Variants in NKAIN2 observed in about 807,000 individuals in gnomAD.
The protein encoded by NKAIN2 is sodium/potassium-transporting ATPase subunit beta-1-interacting protein 2.
Under a neutral mutation model 32.6 loss-of-function variants are expected in NKAIN2, and 14 were observed. The ratio of observed to expected loss-of-function variants is 0.43; its 90% CI spans 0.28 to 0.67. The LOEUF (loss-of-function observed/expected upper bound fraction) is 0.67, where lower values mean the gene tolerates loss of function less well. NKAIN2 is among the 30% of genes least tolerant of loss of function. The pLI, the probability that NKAIN2 is intolerant of heterozygous loss-of-function variation, is 0.17. For synonymous variants in NKAIN2, 80 were observed against 87.2 expected (o/e 0.92, Z 0.46); for missense variants, 198 against 258.3 (o/e 0.77, Z 1.60).
intron 1 of NKAIN2, among the ~76,000 whole-genome samples, chr6:123,808,783 C>T (rs1314216102): frequency 6.6e-6 from 1 of 152,194 alleles, no homozygotes; most frequent in Non-Finnish European, 1.5e-5. Flanking sequence ...ACCTCCTTTC[C>T]CTCTGATGCT....
intron 3 of NKAIN2, among the ~76,000 whole-genome samples, chr6:124,467,875 A>G (rs565611671): frequency 2.0e-5 from 3 of 152,214 alleles, no homozygotes; most frequent in Non-Finnish European, 2.9e-5. Context: ...AAAAGAATTT[A>G]TATTCCAATT....
intron 1 of NKAIN2, among the ~76,000 whole-genome samples, chr6:123,842,502 G>A (rs1774913866): frequency 6.6e-6 from 1 of 152,048 alleles, no homozygotes. Context: ...ATATAGTCTT[G>A]TTGGGGGTTA....
intron 1 of NKAIN2, among the ~76,000 whole-genome samples, chr6:123,978,345 AT>A (rs1178358236): frequency 6.6e-6 from 1 of 152,172 alleles, no homozygotes; most frequent in African/African-American, 2.4e-5. Flanking sequence ...TCCCTTTTGA[AT>A]TATGAGTCTA....
intron 1 of NKAIN2, among the ~76,000 whole-genome samples, chr6:123,908,579 C>T (rs1775007313): frequency 6.6e-6 from 1 of 152,112 alleles, no homozygotes; most frequent in South Asian, 2.1e-4. Context: ...CAAACATGAC[C>T]ATGAACTTCT....
intron 1 of NKAIN2, among the ~76,000 whole-genome samples, chr6:124,140,871 T>G (rs543119057): frequency 6.6e-6 from 1 of 152,324 alleles, no homozygotes; most frequent in Non-Finnish European, 1.5e-5. Context: ...ACCCCAATCA[T>G]CATGCATTCC....
chr6:124,631,758 A>G (rs1783578558), intron 3 of NKAIN2, among the ~76,000 whole-genome samples: 2 of 152,092 alleles, frequency 1.3e-5, no homozygotes, highest in African/African-American at 4.8e-5. Context: ...TGAGGATCCC[A>G]CTTATTTCTT....
intron 5 of NKAIN2, among the ~76,000 whole-genome samples, chr6:124,812,113 T>G (rs1780929620): frequency 6.6e-6 from 1 of 152,178 alleles, no homozygotes; most frequent in Non-Finnish European, 1.5e-5. Context: ...TGCAAATGCA[T>G]GTCCTAACCT....
intron 3 of NKAIN2, among the ~76,000 whole-genome samples, chr6:124,560,649 G>A (rs1321760693): frequency 6.6e-6 from 1 of 152,166 alleles, no homozygotes; most frequent in African/African-American, 2.4e-5. Context: ...AGAATTAAAT[G>A]AGAACAGTGC....
At chr6:124,203,101 T>C (rs1386627661) in intron 1 of NKAIN2, among the ~76,000 whole-genome samples, 1 of 151,900 alleles carries the variant, frequency 6.6e-6, no homozygotes, top group African/African-American at 2.4e-5. Context: ...GCTCAATCTG[T>C]CTGTTTTGTA....
intron 2 of NKAIN2, among the ~76,000 whole-genome samples, chr6:124,302,127 A>G (rs933588747): frequency 6.6e-6 from 1 of 152,144 alleles, no homozygotes; most frequent in Admixed American, 6.5e-5. Context: ...GTCTCACAAG[A>G]TCTGACGTTT....
chr6:123,939,999 G>T (rs993017940), intron 1 of NKAIN2, among the ~76,000 whole-genome samples: 1 of 151,864 alleles, frequency 6.6e-6, no homozygotes, highest in Non-Finnish European at 1.5e-5. Flanking sequence ...GTGTTTTCTG[G>T]TAGCAGGTCT....
At chr6:123,914,029 G>T (rs1775356131) in intron 1 of NKAIN2, among the ~76,000 whole-genome samples, 1 of 152,028 alleles carries the variant, frequency 6.6e-6, no homozygotes, top group African/African-American at 2.4e-5. Flanking sequence ...AGTCAGCTTG[G>T]AATGTTATAA....
intron 1 of NKAIN2, among the ~76,000 whole-genome samples, chr6:124,201,657 GAGA>G (rs1182561300): frequency 3.3e-5 from 5 of 151,960 alleles, no homozygotes; most frequent in Non-Finnish European, 7.4e-5. Context: ...CTCAAGGAGT[GAGA>G]AGGATAGTAC....
intron 1 of NKAIN2, among the ~76,000 whole-genome samples, chr6:124,106,860 G>A (rs1431192176): frequency 6.6e-6 from 1 of 152,136 alleles, no homozygotes; most frequent in Admixed American, 6.5e-5. Context: ...AAAATGTATT[G>A]CCTTCATAGA....
chr6:124,413,867 T>C (rs1774337454), intron 3 of NKAIN2, among the ~76,000 whole-genome samples: 1 of 152,212 alleles, frequency 6.6e-6, no homozygotes, highest in Non-Finnish European at 1.5e-5. Context: ...AGCTGATTTT[T>C]ATATTGACAT....
chr6:124,463,712 AT>A (rs1179332063), intron 3 of NKAIN2, among the ~76,000 whole-genome samples: 8 of 152,126 alleles, frequency 5.3e-5, no homozygotes, highest in Admixed American at 2.0e-4. Flanking sequence ...CTCCCATAGC[AT>A]TTAACTATAA....
At chr6:124,398,039 G>T (rs997166155) in intron 3 of NKAIN2, among the ~76,000 whole-genome samples, 1 of 151,594 alleles carries the variant, frequency 6.6e-6, no homozygotes, top group Non-Finnish European at 1.5e-5. Flanking sequence ...GGATCACGAG[G>T]TCAGGAGATC....
At chr6:124,501,598 T>C (rs974655272) in intron 3 of NKAIN2, among the ~76,000 whole-genome samples, 1 of 152,158 alleles carries the variant, frequency 6.6e-6, no homozygotes, top group South Asian at 2.1e-4. Flanking sequence ...ACACTGCAGT[T>C]AGAGTTATCT....
At chr6:123,950,984 C>G (rs368883360) in intron 1 of NKAIN2, among the ~76,000 whole-genome samples, 1 of 151,688 alleles carries the variant, frequency 6.6e-6, no homozygotes, top group African/African-American at 2.4e-5. Flanking sequence ...GTGTGTTATG[C>G]TTTGGTTTTT....
Sources: gnomAD v4.1 joint callset for allele counts (sites outside exome capture counted in the v4.1 genomes callset) on GRCh38, gnomAD v4.1.1 for gene constraint, MANE v1.5 for transcripts, NCBI Gene and HGNC (gene_info 2026-07-23, HGNC 2026-07-21) for gene names.